MAPK8: variants seen among roughly 807,000 people sequenced by gnomAD.
MAPK8 encodes JUN N-terminal kinase.
Under a neutral mutation model 52.9 loss-of-function variants are expected in MAPK8, and 13 were observed. The observed-to-expected ratio is 0.25, with a 90% CI of 0.16 to 0.39. The LOEUF is 0.39. MAPK8 is among the 10% of genes least tolerant of loss of function. The pLI, the probability that MAPK8 is intolerant of heterozygous loss-of-function variation, is 1.00. For synonymous variants in MAPK8, 191 were observed against 169.8 expected (o/e 1.12, Z -0.97); for missense variants, 300 against 519.2 (o/e 0.58, Z 4.10).
Position 48,425,874 on chromosome 10 carries a change from C to A in MAPK8, c.689-14C>A. On this transcript the variant is annotated splice_polypyrimidine_tract_variant and intron_variant, in intron 7 of 11. Transcript: ENST00000374189. ...ATTAGTTATGGAGTATTTTTCTTAG[C>A]TACTTGATATTAGATATTGATCAGT... The A allele has an allele frequency of 1.5e-6, 2 of 1,322,272 alleles. No individual in the cohort carries two copies. The highest frequency in any genetic ancestry group is 2.7e-5 in the South Asian group (2 of 73,744). 81.9% of individuals were successfully genotyped at this position (1,322,272 alleles called of 1,614,324 possible).
At chr10:48,430,436 C>G (rs2044116597) in intron 10 of MAPK8, 2 of 152,112 alleles carry the variant, frequency 1.3e-5, no homozygotes, top group South Asian at 4.2e-4. Context: ...CAAGGCACAT[C>G]GCAGTTAACA....
At chr10:48,410,294 T>C in intron 5 of MAPK8, 126 bp downstream of exon 5, 2 of 697,182 alleles carry the variant, frequency 2.9e-6, no homozygotes. Context: ...ACCACCCATA[T>C]TAAATTCTAA....
rs1011631114 is a variant in MAPK8 at position 48,319,909 on chromosome 10, G to GT, written c.-50+13097dup. On this transcript the variant is annotated intron_variant, in intron 1 of 11. Transcript: ENST00000374189. ...TATCATGTATCAGTACTTCGTTTCT[G>GT]TTTTTTTTTCTTTTCTTTTTTTTTG... Among the ~76,000 whole-genome samples the GT allele has an allele frequency of 4.2e-4, 62 of 149,374 alleles. No homozygotes were observed. In the South Asian group the frequency reaches 6.8e-3, roughly 16 times the overall value.
chr10:48,329,220 G>A (rs1260165641), intron 1 of MAPK8, among the ~76,000 whole-genome samples: 2 of 152,160 alleles, frequency 1.3e-5, no homozygotes, highest in Non-Finnish European at 2.9e-5. Context: ...CCACTGCTTT[G>A]TGCTGCCCCT....
chr10:48,367,422 T>C (rs1175341539), intron 1 of MAPK8, among the ~76,000 whole-genome samples: 1 of 151,190 alleles, frequency 6.6e-6, no homozygotes, highest in Non-Finnish European at 1.5e-5. Flanking sequence ...TGTTTACATA[T>C]ATATATAAAT....
At chr10:48,372,491 A>G (rs2040386076) in intron 1 of MAPK8, among the ~76,000 whole-genome samples, 2 of 152,150 alleles carry the variant, frequency 1.3e-5, no homozygotes. Context: ...AGGTTAGACA[A>G]ATTGCTAACT....
intron 3 of MAPK8, among the ~76,000 whole-genome samples, chr10:48,407,323 T>G (rs145922839): frequency 5.8e-4 from 89 of 152,352 alleles, no homozygotes; most frequent in Middle Eastern, 3.4e-3. Flanking sequence ...ATTAGAAACA[T>G]TTTGTAAAAT....
At chr10:48,341,734 T>G (rs1845285735) in intron 1 of MAPK8, among the ~76,000 whole-genome samples, 1 of 152,050 alleles carries the variant, frequency 6.6e-6, no homozygotes, top group South Asian at 2.1e-4. Context: ...CTCTGATGAG[T>G]ACAATGAAAG....
chr10:48,361,156 G>C (rs556702596), intron 1 of MAPK8, among the ~76,000 whole-genome samples: 1 of 152,230 alleles, frequency 6.6e-6, no homozygotes, highest in East Asian at 1.9e-4. Flanking sequence ...GAATTCTATC[G>C]AGGAACGTGA....
Position 48,409,952 on chromosome 10 carries a change from T to G in MAPK8, c.311+15T>G. Reference sequence around the variant, plus strand: ...TTTCAAGATGTGTAAGTGTAATAATTAAAATTTTGTTAAGTTAGTACATTT... The same window carrying G: ...TTTCAAGATGTGTAAGTGTAATAATGAAAATTTTGTTAAGTTAGTACATTT... On this transcript the variant is annotated intron_variant, in intron 4 of 11. Coordinates refer to ENST00000374189, the MANE Select transcript of MAPK8 (RefSeq NM_001323329.2). 6.2e-7 allele frequency: 1 copy of G among 1,609,788 alleles called. No individual in the cohort carries two copies. Among genetic ancestry groups the G allele is most frequent in the Non-Finnish European group, 8.5e-7 (1 of 1,177,602 alleles).
At chr10:48,431,953 CAT>C (rs1321225425) in intron 11 of MAPK8, among the ~76,000 whole-genome samples, 2 of 152,112 alleles carry the variant, frequency 1.3e-5, no homozygotes, top group African/African-American at 4.8e-5. Flanking sequence ...TTATTGCACA[CAT>C]GTTATGGATG....
intron 1 of MAPK8, among the ~76,000 whole-genome samples, chr10:48,382,479 T>C (rs903929130): frequency 2.0e-5 from 3 of 152,100 alleles, no homozygotes; most frequent in Admixed American, 2.0e-4. Context: ...TTCATAGCTT[T>C]GATATAAAAA....
At chr10:48,410,679 G>A (rs1006237862) in intron 5 of MAPK8, among the ~76,000 whole-genome samples, 1 of 152,200 alleles carries the variant, frequency 6.6e-6, no homozygotes, top group Non-Finnish European at 1.5e-5. Flanking sequence ...GTCATATGGT[G>A]ATTCTATAGT....
intron 1 of MAPK8, among the ~76,000 whole-genome samples, chr10:48,321,329 T>C (rs1271938530): frequency 6.6e-6 from 1 of 152,080 alleles, no homozygotes; most frequent in African/African-American, 2.4e-5. Context: ...CAAGTGATCC[T>C]CCCACCTTGG....
chr10:48,350,335 A>G (rs1846189740), intron 1 of MAPK8, among the ~76,000 whole-genome samples: 1 of 152,234 alleles, frequency 6.6e-6, no homozygotes, highest in Admixed American at 6.5e-5. Flanking sequence ...TTTCAGGCCA[A>G]TATCCCTGAT....
At chr10:48,315,510 AAAC>A (rs1842409624) in intron 1 of MAPK8, among the ~76,000 whole-genome samples, 1 of 152,098 alleles carries the variant, frequency 6.6e-6, no homozygotes, top group South Asian at 2.1e-4. Flanking sequence ...AGAATAGGAA[AAAC>A]AACCTTTTCA....
intron 1 of MAPK8, among the ~76,000 whole-genome samples, chr10:48,315,179 TA>T (rs1842373121): frequency 6.6e-6 from 1 of 152,340 alleles, no homozygotes; most frequent in East Asian, 1.9e-4. Flanking sequence ...TATGAACTTC[TA>T]AAAACAACCC....
intron 1 of MAPK8, among the ~76,000 whole-genome samples, chr10:48,394,564 C>G (rs2041795460): frequency 6.6e-6 from 1 of 151,882 alleles, no homozygotes; most frequent in South Asian, 2.1e-4. Flanking sequence ...AACTCTCAAA[C>G]TAGGATTTAA....
Position 48,317,828 on chromosome 10 carries a change from G to C in MAPK8, c.-50+11007G>C, listed in dbSNP as rs529963224. ...ATGAAGCATGAGATTCATACGGGCA[G>C]AAAGGGATGGGAGTTTGGGGAGTTT... On this transcript the variant is annotated intron_variant, in intron 1 of 11. Coordinates refer to ENST00000374189, the MANE Select transcript of MAPK8 (RefSeq NM_001323329.2). 1.6e-4 allele frequency among the ~76,000 whole-genome samples: 25 copies of C among 152,314 alleles called. No homozygotes were observed. The South Asian group carries it at 5.0e-3, about 30-fold the overall frequency.
Sources: gnomAD v4.1 joint callset for allele counts (sites outside exome capture counted in the v4.1 genomes callset) on GRCh38, gnomAD v4.1.1 for gene constraint, MANE v1.5 for transcripts, NCBI Gene and HGNC (gene_info 2026-07-23, HGNC 2026-07-21) for gene names.